Variants in THAP10 observed in about 807,000 individuals in gnomAD.
THAP10 encodes THAP domain containing 10.
In THAP10, 10 loss-of-function variants were observed where a neutral mutation model predicts 15.7. The ratio of observed to expected loss-of-function variants is 0.64; its 90% confidence interval spans 0.39 to 1.08. The LOEUF is 1.08. Among genes scored for constraint, THAP10 ranks in the 50% least tolerant of loss-of-function variants. The probability of loss-of-function intolerance (pLI) is 0.01; values close to 1 mark genes in which losing one functional copy is unlikely to be tolerated. For synonymous variants in THAP10, 127 were observed against 129.1 expected, an observed-to-expected ratio of 0.98 and a Z score of 0.11; for missense variants, 310 against 330.9, an observed-to-expected ratio of 0.94 and a Z score of 0.49.
At position 70,882,226 on chromosome 15, in the gene THAP10, G is replaced by T; in HGVS notation, c.*228C>A. 2 of 407,266 alleles carry T rather than the reference G, an allele frequency of 4.9e-6. No individual in the cohort carries two copies. Among genetic ancestry groups the T allele is most frequent in the Non-Finnish European group, 8.7e-6 (2 of 230,648 alleles). The allele number at this position is 407,266 out of a possible 1,614,324, so 25.2% of individuals were successfully genotyped here. A position where few individuals can be genotyped will look rare whatever the true frequency, so the allele number is the denominator to read the frequency against. On this transcript the variant is annotated 3_prime_UTR_variant, in exon 3 of 3. Coordinates refer to ENST00000249861, the MANE Select transcript of THAP10 (RefSeq NM_020147.4). Reference sequence around the variant, plus strand: ...TTTGTAACCTGATTTCTACCAAAAGGATTAAAAGAAAAAAAAAGGTGAAAG... The same window carrying T: ...TTTGTAACCTGATTTCTACCAAAAGTATTAAAAGAAAAAAAAAGGTGAAAG...
At chr15:70,885,396 A>G (rs1211169688) in intron 1 of THAP10, among the ~76,000 whole-genome samples, 1 of 152,210 alleles carries the variant, frequency 6.6e-6, no homozygotes, top group Non-Finnish European at 1.5e-5. Context: ...AACCCTTTCT[A>G]TTTATCAAAA....
intron 1 of THAP10, among the ~76,000 whole-genome samples, chr15:70,889,648 T>C (rs1331526113): frequency 2.0e-5 from 3 of 152,196 alleles, no homozygotes; most frequent in African/African-American, 4.8e-5. Flanking sequence ...GCCCCTTTCT[T>C]TCCTTGGAAG....
rs1486087152 is a variant in THAP10, at chr15:70,891,918, T to A, written c.355A>T (p.Arg119Trp). The change falls in exon 1 of 3, where the codon AGG (arginine) becomes TGG (tryptophan). Residue 119 changes from arginine (R) to tryptophan (W), a missense_variant. Physicochemically the swap from Arg to Trp is moderately radical, Grantham distance 101 (BLOSUM62 -3). Transcript: ENST00000249861. ...LDTRGELQAARHSEAAPGPVS... is the reference protein window; with the variant it reads ...LDTRGELQAAWHSEAAPGPVS... ...GGACCTGGGGCAGCCTCAGAATGCC[T>A]GGCTGCCTGGAGCTCTCCTCGCGTG... 3 of 1,613,806 alleles carry A rather than the reference T, an allele frequency of 1.9e-6. No individual in the cohort carries two copies. The African/African-American group carries it at 4.0e-5, about 22-fold the overall frequency.
At position 70,891,847 on chromosome 15, in the gene THAP10, T is replaced by A. The variant is rs373218670; in HGVS notation, c.426A>T (p.Ser142=). The A allele has an allele frequency of 5.0e-6, 8 of 1,587,014 alleles. No homozygotes were observed. The highest frequency in any genetic ancestry group is 1.7e-5 in the Admixed American group (1 of 58,394). Residue 142 remains serine (S), a synonymous_variant, in exon 1 of 3, where the codon TCA becomes TCT. Transcript: ENST00000249861. ...ACCTTCGGTGGTCTCTCTTTACCTG[T>A]GAAGCTGCAGCCTGCTTCCCAGCTC... ...RPRAGKQAAA[S]QITCENELVQ...
Position 70,891,830 on chromosome 15 carries a change from T to C in THAP10, c.429+14A>G, listed in dbSNP as rs2033585041. On this transcript the variant is annotated intron_variant, in intron 1 of 2. Coordinates refer to ENST00000249861, the MANE Select transcript of THAP10 (RefSeq NM_020147.4). ...CCAGGGGTCCTTACACAACCTTCGGTGGTCTCTCTTTACCTGTGAAGCTGC... is the reference window on the plus strand; with the variant it reads ...CCAGGGGTCCTTACACAACCTTCGGCGGTCTCTCTTTACCTGTGAAGCTGC... 1.3e-6 allele frequency: 2 copies of C among 1,547,566 alleles called. No individual in the cohort carries two copies. Among genetic ancestry groups the C allele is most frequent in the African/African-American group, 1.4e-5 (1 of 73,182 alleles).
At chr15:70,887,109 A>G (rs2033430718) in intron 1 of THAP10, among the ~76,000 whole-genome samples, 1 of 152,190 alleles carries the variant, frequency 6.6e-6, no homozygotes, top group African/African-American at 2.4e-5. Context: ...TAACCTTATA[A>G]CAAAGAAATT....
At chr15:70,886,473 TA>T (rs2033410221) in intron 1 of THAP10, among the ~76,000 whole-genome samples, 1 of 151,986 alleles carries the variant, frequency 6.6e-6, no homozygotes, top group Non-Finnish European at 1.5e-5. Flanking sequence ...GACAAAATTT[TA>T]AAAAGCAGAG....
chr15:70,886,184 G>A (rs958673866), intron 1 of THAP10, among the ~76,000 whole-genome samples: 2 of 152,126 alleles, frequency 1.3e-5, no homozygotes, highest in African/African-American at 4.8e-5. Context: ...CATGTTAGGT[G>A]GGGACTTATA....
At chr15:70,888,028 A>G (rs1302537317) in intron 1 of THAP10, among the ~76,000 whole-genome samples, 1 of 152,204 alleles carries the variant, frequency 6.6e-6, no homozygotes, top group South Asian at 2.1e-4. Context: ...AACACTTCTA[A>G]GAAAAATTTA....
chr15:70,892,329 G>A lies in THAP10; in HGVS notation c.-57C>T. On this transcript the variant is annotated 5_prime_UTR_variant, in exon 1 of 3. Transcript: ENST00000249861. ...TCCCTGGACCTTCGCCCTTGGGCAC[G>A]CTCCTCGCAGCGGCCTCGGCGAGGC... 6.5e-7 allele frequency: 1 copy of A among 1,549,432 alleles called. No homozygotes were observed. The highest frequency in any genetic ancestry group is 8.7e-7 in the Non-Finnish European group (1 of 1,146,820).
chr15:70,887,889 AC>A (rs1219353511), intron 1 of THAP10, among the ~76,000 whole-genome samples: 8 of 152,210 alleles, frequency 5.3e-5, no homozygotes, highest in Admixed American at 5.2e-4. Context: ...TACAAGTTCA[AC>A]AAAAATTAAT....
rs2033288564 is a variant in THAP10 at position 70,882,519 on chromosome 15, C to T, written c.709G>A (p.Asp237Asn). The change falls in exon 3 of 3, where the codon GAT becomes AAT. Residue 237 changes from aspartate (D) to asparagine (N), a missense_variant. Physicochemically the swap from Asp to Asn is conservative, Grantham distance 23 (BLOSUM62 1). Coordinates refer to ENST00000249861, the MANE Select transcript of THAP10 (RefSeq NM_020147.4). ...AAATCACTCTGTTCACTCTTGATAT[C>T]CCAGTCTGTATCTGTTTCTGAATCA... ...SSDSETDTDW[D>N]IKSEQSDLSY... The T allele has an allele frequency of 1.2e-6, 2 of 1,613,706 alleles. No individual in the cohort carries two copies. Among genetic ancestry groups the T allele is most frequent in the African/African-American group, 1.3e-5 (1 of 74,904 alleles).
chr15:70,887,936 A>G (rs998577824), intron 1 of THAP10, among the ~76,000 whole-genome samples: 6 of 152,216 alleles, frequency 3.9e-5, no homozygotes, highest in Admixed American at 2.0e-4. Flanking sequence ...AAAATTTAAA[A>G]TACCATTTAT....
At position 70,881,367 on chromosome 15, in the gene THAP10, C is replaced by T. The variant is rs1388993793; in HGVS notation, c.*1087G>A. ...TCCTATTAATATTTTATTTTATTTT[C>T]CTTAAAGCAGACATAAAATTACATT... On this transcript the variant is annotated 3_prime_UTR_variant, in exon 3 of 3. Coordinates refer to ENST00000249861, the MANE Select transcript of THAP10 (RefSeq NM_020147.4). 1 of 152,138 alleles carries T rather than the reference C, an allele frequency of 6.6e-6. No homozygotes were observed. The highest frequency in any genetic ancestry group is 1.5e-5 in the Non-Finnish European group (1 of 68,018). 9.4% of individuals were successfully genotyped at this position (152,138 alleles called of 1,614,324 possible).
Position 70,891,911 on chromosome 15 carries a change from G to C in THAP10, c.362C>G (p.Ser121Cys), listed in dbSNP as rs1326387073. 1.2e-6 allele frequency: 2 copies of C among 1,613,720 alleles called. No individual in the cohort carries two copies. Among genetic ancestry groups the C allele is most frequent in the Non-Finnish European group, 1.7e-6 (2 of 1,179,946 alleles). ...TRGELQAARH[S>C]EAAPGPVSCT... ...GGAGACTGGACCTGGGGCAGCCTCAGAATGCCTGGCTGCCTGGAGCTCTCC... is the reference window on the plus strand; with the variant it reads ...GGAGACTGGACCTGGGGCAGCCTCACAATGCCTGGCTGCCTGGAGCTCTCC... Residue 121 changes from serine to cysteine, a missense_variant, in exon 1 of 3, where the codon TCT becomes TGT. Transcript: ENST00000249861.
intron 1 of THAP10, among the ~76,000 whole-genome samples, chr15:70,887,933 A>G (rs1005214552): frequency 1.3e-5 from 2 of 152,204 alleles, no homozygotes; most frequent in African/African-American, 2.4e-5. Context: ...TATAAAATTT[A>G]AAATACCATT....
chr15:70,890,451 G>T (rs1196650730), intron 1 of THAP10, among the ~76,000 whole-genome samples: 1 of 152,084 alleles, frequency 6.6e-6, no homozygotes, highest in Non-Finnish European at 1.5e-5. Context: ...AATATTTATT[G>T]AATTACTTAA....
chr15:70,882,961 T>C, intron 1 of THAP10, 53 bp from the exon 2 acceptor site: 1 of 1,578,540 alleles, frequency 6.3e-7, no homozygotes, highest in Non-Finnish European at 8.6e-7. Context: ...TATAGGATTT[T>C]ATCTTTCAAA....
intron 1 of THAP10, among the ~76,000 whole-genome samples, chr15:70,885,315 A>G (rs1336404275): frequency 6.6e-6 from 1 of 152,226 alleles, no homozygotes; most frequent in Non-Finnish European, 1.5e-5. Context: ...GCAATATTTG[A>G]ACAAATAACA....
Sources: allele counts gnomAD v4.1 joint callset (sites outside exome capture counted in the v4.1 genomes callset), GRCh38; gene constraint gnomAD v4.1.1; transcripts MANE v1.5; gene names NCBI Gene and HGNC (gene_info 2026-07-23, HGNC 2026-07-21).